OIT3: variants seen among roughly 807,000 people sequenced by gnomAD.
OIT3 encodes oncoprotein induced transcript 3.
Under a neutral mutation model 52.2 loss-of-function variants are expected in OIT3, and 41 were observed. The observed-to-expected ratio is 0.79, with a 90% CI of 0.61 to 1.02. The LOEUF (loss-of-function observed/expected upper bound fraction) is 1.02. Ranked by LOEUF, OIT3 falls within the 50% of genes least tolerant of loss-of-function variation. The probability of loss-of-function intolerance (pLI) is 0.00; values close to 1 mark genes in which losing one functional copy is unlikely to be tolerated. For missense variants in OIT3, 634 were observed against 715.5 expected, an observed-to-expected ratio of 0.89 and a Z score of 1.30; for synonymous variants, 244 against 276.9, an observed-to-expected ratio of 0.88 and a Z score of 1.18.
intron 8 of OIT3, among the ~76,000 whole-genome samples, chr10:72,930,880 G>T (rs1251385211): frequency 6.6e-6 from 1 of 152,030 alleles, no homozygotes; most frequent in Admixed American, 6.6e-5. Flanking sequence ...GCTGTTCAAA[G>T]AAAATACTAT....
chr10:72,895,790 C>A (rs1845870807), intron 1 of OIT3, among the ~76,000 whole-genome samples: 1 of 152,144 alleles, frequency 6.6e-6, no homozygotes, highest in African/African-American at 2.4e-5. Flanking sequence ...GGCATCTTAG[C>A]AAACCATTGA....
Position 72,932,589 on chromosome 10 carries a change from G to T in OIT3, c.*65G>T, listed in dbSNP as rs574369243. ...GCTCTTTGGAGCTTCTCCCCCCACC[G>T]CCCTCTAAGAACATCTGCCAACAGC... On this transcript the variant is annotated 3_prime_UTR_variant, in exon 9 of 9. Coordinates refer to ENST00000334011, the MANE Select transcript of OIT3 (RefSeq NM_152635.3). 4.3e-5 allele frequency: 62 copies of T among 1,431,154 alleles called. No homozygotes were observed. The highest frequency in any genetic ancestry group is 5.5e-5 in the Non-Finnish European group (58 of 1,057,856). The allele number at this position is 1,431,154 out of a possible 1,614,324, so 88.7% of individuals were successfully genotyped here.
At chr10:72,918,543 G>C in intron 6 of OIT3, 1 of 1,332,102 alleles carries the variant, frequency 7.5e-7, no homozygotes, top group Non-Finnish European at 1.1e-6. Context: ...ATCGGGTGGC[G>C]GCACACACTT....
rs199885669 is a variant in OIT3, at chr10:72,898,918, G to A, written c.316G>A (p.Ala106Thr). The change falls in exon 2 of 9, where the codon GCC becomes ACC. Residue 106 changes from alanine (A) to threonine (T), a missense_variant. Ala to Thr is a moderately conservative substitution (Grantham distance 58). Transcript: ENST00000334011. ...GDGIVQRQAC[A>T]SFNGNCCLWN... ...CGGCATTGTGCAACGCCAGGCTTGT[G>A]CCAGCTTCAATGGGAACTGCTGTCT... 2.0e-5 allele frequency: 32 copies of A among 1,614,098 alleles called. No homozygotes were observed. The highest frequency in any genetic ancestry group is 2.5e-5 in the Non-Finnish European group (29 of 1,180,054).
chr10:72,930,092 C>T (rs1846202939), intron 7 of OIT3, among the ~76,000 whole-genome samples: 1 of 152,148 alleles, frequency 6.6e-6, no homozygotes, highest in Admixed American at 6.5e-5. Context: ...GTATCCCCTT[C>T]AGTAGTCAGT....
chr10:72,908,864 C>T (rs1846003110), intron 4 of OIT3, among the ~76,000 whole-genome samples: 1 of 151,264 alleles, frequency 6.6e-6, no homozygotes, highest in African/African-American at 2.4e-5. Flanking sequence ...ATTGATAGTC[C>T]AAACATATAT....
chr10:72,932,026 G>C (rs186049867), intron 8 of OIT3, among the ~76,000 whole-genome samples: 2 of 152,346 alleles, frequency 1.3e-5, no homozygotes, highest in East Asian at 3.9e-4. Context: ...GTGTGAAGAA[G>C]GAAGATGCTC....
At chr10:72,920,720 T>A (rs1846113938) in intron 6 of OIT3, among the ~76,000 whole-genome samples, 1 of 152,234 alleles carries the variant, frequency 6.6e-6, no homozygotes, top group Non-Finnish European at 1.5e-5. Flanking sequence ...TTATTACATT[T>A]CCATGTAATT....
At position 72,898,602 on chromosome 10, in the gene OIT3, G is replaced by C. The variant is rs112412240; in HGVS notation, c.62-62G>C. On this transcript the variant is annotated intron_variant, in intron 1 of 8. Transcript: ENST00000334011. ...AATGCAAGACCAAGAAGTTGGACTT[G>C]GGCTGTTGGTGGTGTGATCCGAAAC... is the stretch of plus-strand genomic sequence containing the variant. 36 of 1,473,360 alleles carry C rather than the reference G, an allele frequency of 2.4e-5. No individual in the cohort carries two copies. The African/African-American group carries it at 3.4e-4, about 14-fold the overall frequency. The allele number at this position is 1,473,360 out of a possible 1,614,324, so 91.3% of individuals were successfully genotyped here. A position where few individuals can be genotyped will look rare whatever the true frequency, so the allele number is the denominator to read the frequency against.
At chr10:72,916,040 T>C (rs976534515) in intron 6 of OIT3, among the ~76,000 whole-genome samples, 2 of 152,150 alleles carry the variant, frequency 1.3e-5, no homozygotes, top group African/African-American at 4.8e-5. Flanking sequence ...TAAATGAAGA[T>C]GGGAATGATG....
chr10:72,914,707 T>TA (rs1020313838), intron 6 of OIT3, among the ~76,000 whole-genome samples: 17 of 152,160 alleles, frequency 1.1e-4, no homozygotes, highest in Non-Finnish European at 1.5e-4. Flanking sequence ...GCTGCCGCAG[T>TA]ATCACCAGGT....
intron 2 of OIT3, among the ~76,000 whole-genome samples, chr10:72,899,544 G>A (rs1246769990): frequency 1.4e-5 from 2 of 145,992 alleles, no homozygotes; most frequent in East Asian, 2.0e-4. Context: ...GCGGTGAGGC[G>A]AAAATCGTGC....
intron 4 of OIT3, among the ~76,000 whole-genome samples, chr10:72,909,833 C>T (rs946813826): frequency 6.6e-6 from 1 of 151,820 alleles, no homozygotes; most frequent in African/African-American, 2.4e-5. Context: ...CTCCTGACCT[C>T]GTGTTCTTTC....
chr10:72,924,078 G>GA lies in OIT3; in HGVS notation c.952-142dup, dbSNP rs112952142. ...CTTGATAACAAGAGGAGGGCAGTGG[G>GA]AAAAAAAAACAAAACAAAACTTCAT... is the stretch of plus-strand genomic sequence containing the variant. On this transcript the variant is annotated intron_variant, in intron 6 of 8. Transcript: ENST00000334011. 6.0e-3 allele frequency: 3,859 copies of GA among 645,122 alleles called. 1 individual carries two copies. Among genetic ancestry groups the GA allele is most frequent in the Non-Finnish European group, 6.7e-3 (2,628 of 389,856 alleles). 40.0% of individuals were successfully genotyped at this position (645,122 alleles called of 1,614,324 possible).
At chr10:72,910,105 T>C (rs746089325) in intron 4 of OIT3, among the ~76,000 whole-genome samples, 9 of 152,222 alleles carry the variant, frequency 5.9e-5, no homozygotes, top group Non-Finnish European at 1.2e-4. Flanking sequence ...ATTTTCAGTT[T>C]ATTTTGTATT....
At chr10:72,930,220 C>T (rs912204054) in intron 7 of OIT3, among the ~76,000 whole-genome samples, 1 of 152,142 alleles carries the variant, frequency 6.6e-6, no homozygotes, top group African/African-American at 2.4e-5. Context: ...GAAAGACAGC[C>T]TTACTAGCAA....
chr10:72,917,522 C>G, intron 6 of OIT3: 1 of 587,030 alleles, frequency 1.7e-6, no homozygotes, highest in African/African-American at 1.8e-5. Context: ...CAACATTTAT[C>G]AAACATGGTA....
At chr10:72,899,581 G>A (rs1464671571) in intron 2 of OIT3, among the ~76,000 whole-genome samples, 3 of 145,170 alleles carry the variant, frequency 2.1e-5, no homozygotes, top group African/African-American at 8.0e-5. Flanking sequence ...GGGTGACAGA[G>A]TGAGACTCTG....
rs1164805705 is a variant in OIT3, at chr10:72,932,985, T to C, written c.*461T>C. 1 of 153,948 alleles carries C rather than the reference T, an allele frequency of 6.5e-6. No individual in the cohort carries two copies. Among genetic ancestry groups the C allele is most frequent in the Non-Finnish European group, 1.4e-5 (1 of 69,308 alleles). 9.5% of individuals were successfully genotyped at this position (153,948 alleles called of 1,614,324 possible). ...AAATTTCAATTCAAATGCAGACTAA[T>C]TATAGGGAATTTGGAAGTGTATCAA... On this transcript the variant is annotated 3_prime_UTR_variant, in exon 9 of 9. Transcript: ENST00000334011.
Sources: allele counts gnomAD v4.1 joint callset (sites outside exome capture counted in the v4.1 genomes callset), GRCh38; gene constraint gnomAD v4.1.1; transcripts MANE v1.5; gene names NCBI Gene and HGNC (gene_info 2026-07-23, HGNC 2026-07-21).